ATAD2: variants seen among roughly 807,000 people sequenced by gnomAD.
The protein encoded by ATAD2 is ATPase family AAA domain-containing protein 2.
ATAD2 carries 62 observed loss-of-function variants against 168.9 expected under a neutral mutation model. The observed-to-expected ratio is 0.37, with a 90% CI of 0.30 to 0.45. The LOEUF (loss-of-function observed/expected upper bound fraction) is 0.45. ATAD2 is among the 20% of genes least tolerant of loss of function. ATAD2 has a pLI of 1.00. For synonymous variants in ATAD2, 613 were observed against 571.6 expected, an observed-to-expected ratio of 1.07 and a Z score of -1.03; for missense variants, 1,419 against 1,667.8, an observed-to-expected ratio of 0.85 and a Z score of 2.60.
At chr8:123,399,691 C>T (rs976840363), upstream of ATAD2, among the ~76,000 whole-genome samples, 2 of 151,622 alleles carry the variant, frequency 1.3e-5, no homozygotes, top group African/African-American at 4.9e-5. Flanking sequence ...CCCATCTCTA[C>T]CAAAAATACA....
In ATAD2 at chr8:123,361,610, T is replaced by C; in HGVS notation, c.1086A>G (p.Ser362=). ...GCTGTTCATCTTCAGAGGAGGAAGA[T>C]GAAGTCGAGTCACTACTGTGGATTG... ...RHAIHSSDST[S]SSSSEDEQHF... Residue 362 remains serine, a synonymous_variant, in exon 9 of 28, where the codon TCA becomes TCG. Transcript: ENST00000287394. The C allele has an allele frequency of 6.2e-7, 1 of 1,613,324 alleles. No individual in the cohort carries two copies. Among genetic ancestry groups the C allele is most frequent in the Non-Finnish European group, 8.5e-7 (1 of 1,179,450 alleles).
chr8:123,348,383 G>A (rs1156909385), intron 14 of ATAD2, 110 bp from the exon 15 acceptor site: 1 of 880,708 alleles, frequency 1.1e-6, no homozygotes, highest in Non-Finnish European at 1.7e-6. Flanking sequence ...AAAGTGATCA[G>A]TACTTAATAC....
chr8:123,381,663 G>C (rs558802471), intron 1 of ATAD2, among the ~76,000 whole-genome samples: 1 of 152,232 alleles, frequency 6.6e-6, no homozygotes, highest in African/African-American at 2.4e-5. Flanking sequence ...GTATTCCAAA[G>C]TTCATACACC....
chr8:123,378,789 TGAG>T (rs1241905226), intron 2 of ATAD2, among the ~76,000 whole-genome samples: 1 of 150,838 alleles, frequency 6.6e-6, no homozygotes, highest in Non-Finnish European at 1.5e-5. Context: ...TGTTTATTTA[TGAG>T]AAGAAGTAAT....
At chr8:123,378,219 A>G (rs1829378004) in intron 2 of ATAD2, among the ~76,000 whole-genome samples, 1 of 152,236 alleles carries the variant, frequency 6.6e-6, no homozygotes, top group African/African-American at 2.4e-5. Context: ...AGTGTCCCAT[A>G]AACATTGTCA....
chr8:123,374,476 A>G (rs1377291651), intron 2 of ATAD2, among the ~76,000 whole-genome samples: 1 of 152,162 alleles, frequency 6.6e-6, no homozygotes, highest in African/African-American at 2.4e-5. Flanking sequence ...AGGTCTATAC[A>G]TTTTATAAAC....
At chr8:123,348,631 T>C (rs1008367078) in intron 14 of ATAD2, among the ~76,000 whole-genome samples, 5 of 152,154 alleles carry the variant, frequency 3.3e-5, no homozygotes, top group African/African-American at 9.7e-5. Flanking sequence ...GAGCTGAGAT[T>C]GTGCCACTGC....
At position 123,369,095 on chromosome 8, in the gene ATAD2, C is replaced by G. The variant is rs376155752; in HGVS notation, c.1012G>C (p.Ala338Pro). Residue 338 changes from alanine to proline, a missense_variant, in exon 8 of 28, where the codon GCA becomes CCA. By Grantham distance (27) the Ala-to-Pro change is conservative (BLOSUM62 -1). This residue lies in a region of ATAD2 where 419 missense variants were observed against 423.5 expected (regional missense o/e 0.99). Coordinates refer to ENST00000287394, the MANE Select transcript of ATAD2 (RefSeq NM_014109.4). ...TTACAGTAAGGACTTCTTGGTCCTG[C>G]GGAAGATAATCGGTATCTTGGTCTT... Reference protein sequence around the residue: ...PARPRYRLSSAGPRSPYCKRM... With the variant: ...PARPRYRLSSPGPRSPYCKRM... 15 of 1,593,926 alleles carry G rather than the reference C, an allele frequency of 9.4e-6. No individual in the cohort carries two copies. The highest frequency in any genetic ancestry group is 1.0e-5 in the Non-Finnish European group (12 of 1,167,108).
intron 3 of ATAD2, 145 bp downstream of exon 3, chr8:123,372,492 A>G: frequency 1.7e-6 from 1 of 593,206 alleles, no homozygotes; most frequent in South Asian, 4.0e-5. Flanking sequence ...TATTGTGGTG[A>G]TGGCTTCATG....
chr8:123,363,421 G>A (rs1178812716), intron 8 of ATAD2, among the ~76,000 whole-genome samples: 1 of 152,148 alleles, frequency 6.6e-6, no homozygotes, highest in Non-Finnish European at 1.5e-5. Context: ...TGTGTTATCT[G>A]TAAATCCAGC....
intron 1 of ATAD2, among the ~76,000 whole-genome samples, 180 bp downstream of exon 1, chr8:123,396,007 A>G (rs562092918): frequency 6.6e-6 from 1 of 152,182 alleles, no homozygotes; most frequent in Non-Finnish European, 1.5e-5. Context: ...GCCTCAGCTC[A>G]GCGATCCGAC....
intron 13 of ATAD2, chr8:123,352,195 A>C (rs1369644240): frequency 1.3e-5 from 2 of 153,154 alleles, no homozygotes; most frequent in Admixed American, 6.5e-5. Flanking sequence ...GCCCTGCTCC[A>C]AAGAGACACC....
rs373814613 is a variant in ATAD2 at position 123,328,294 on chromosome 8, G to T, written c.3764C>A (p.Ser1255Tyr). 3.1e-6 allele frequency: 5 copies of T among 1,601,512 alleles called. No individual in the cohort carries two copies. In the Admixed American group the frequency reaches 8.6e-5, roughly 28 times the overall value. ...TCNIENELEDSRKTTACTELR... is the reference protein window; with the variant it reads ...TCNIENELEDYRKTTACTELR... Reference sequence around the variant, plus strand: ...TTCTGTACATGCTGTAGTCTTCCTAGAGTCTTCAAGCTCATTCTCTATATT... The same window carrying T: ...TTCTGTACATGCTGTAGTCTTCCTATAGTCTTCAAGCTCATTCTCTATATT... The change falls in exon 25 of 28, where the codon TCT (serine) becomes TAT (tyrosine). Residue 1255 changes from serine (S) to tyrosine (Y), a missense_variant. Ser to Tyr is a moderately radical substitution (Grantham distance 144, BLOSUM62 -2). Around this residue, in one of 5 missense-constraint regions of ATAD2, gnomAD observed 303 missense variants for 304.3 expected, o/e 1.00. Transcript: ENST00000287394.
At chr8:123,342,877 G>A (rs79787419) in intron 19 of ATAD2, among the ~76,000 whole-genome samples, 2,364 of 152,156 alleles carry the variant, frequency 0.016, 67 homozygotes, top group African/African-American at 0.054. Context: ...ATCTGCCTCA[G>A]AGCCTCTGCA....
In ATAD2 at chr8:123,383,999, C is replaced by T. The variant is rs548922563; in HGVS notation, c.172-3322G>A. Among the ~76,000 whole-genome samples the T allele has an allele frequency of 1.5e-4, 22 of 149,842 alleles. No homozygotes were observed. In the Middle Eastern group the frequency reaches 0.011, roughly 73 times the overall value. ...GGGAGGCTGAGGCAGGAGAATTGCT[C>T]GAACCTGGGAGGCAGAGGTTGCAGT... On this transcript the variant is annotated intron_variant, in intron 1 of 27. Transcript: ENST00000287394.
At chr8:123,325,312 A>C (rs1199157525) in intron 26 of ATAD2, among the ~76,000 whole-genome samples, 1 of 150,206 alleles carries the variant, frequency 6.7e-6, no homozygotes, top group Non-Finnish European at 1.5e-5. Context: ...TTTGAGACAG[A>C]GTCTCTATCG....
At chr8:123,388,599 G>A (rs1334369628) in intron 1 of ATAD2, among the ~76,000 whole-genome samples, 3 of 151,980 alleles carry the variant, frequency 2.0e-5, no homozygotes, top group Non-Finnish European at 4.4e-5. Context: ...GCCCAGGCTG[G>A]TCTTGAACTC....
chr8:123,396,444 T>A lies in ATAD2; in HGVS notation c.-87A>T. 1 of 1,359,356 alleles carries A rather than the reference T, an allele frequency of 7.4e-7. No homozygotes were observed. Among genetic ancestry groups the A allele is most frequent in the Non-Finnish European group, 9.6e-7 (1 of 1,038,910 alleles). 84.2% of individuals were successfully genotyped at this position (1,359,356 alleles called of 1,614,324 possible). On this transcript the variant is annotated 5_prime_UTR_variant, in exon 1 of 28. Coordinates refer to ENST00000287394, the MANE Select transcript of ATAD2 (RefSeq NM_014109.4). ...AGCTCTGGCTCTTCCGCGCTCCGAA[T>A]TCTGGCGCCACAAGCTCCGCGCCAG...
chr8:123,367,332 G>T (rs575077637), intron 8 of ATAD2, among the ~76,000 whole-genome samples: 7 of 152,306 alleles, frequency 4.6e-5, no homozygotes, highest in African/African-American at 1.4e-4. Context: ...CAGAAGAATC[G>T]CTTGAACCCA....
Sources: allele counts gnomAD v4.1 joint callset (sites outside exome capture counted in the v4.1 genomes callset), GRCh38; gene constraint gnomAD v4.1.1; regional missense constraint gnomAD v4.1.1; transcripts MANE v1.5; gene names NCBI Gene and HGNC (gene_info 2026-07-23, HGNC 2026-07-21).